Variants in BTBD7 observed in about 807,000 individuals in gnomAD.
BTBD7 encodes the protein BTB domain containing 7, also known as BTB/POZ domain-containing protein 7.
Under a neutral mutation model 99.9 loss-of-function variants are expected in BTBD7, and 38 were observed. That is an observed-to-expected ratio of 0.38 (90% CI 0.29 to 0.50). The LOEUF is 0.50. Among genes scored for constraint, BTBD7 ranks in the 20% least tolerant of loss-of-function variants. The pLI is 0.93. For missense variants in BTBD7, 1,170 were observed against 1,394.6 expected (o/e 0.84, Z 2.57); for synonymous variants, 520 against 511.4 (o/e 1.02, Z -0.23).
intron 1 of BTBD7, among the ~76,000 whole-genome samples, chr14:93,329,338 A>G (rs2053371179): frequency 6.6e-6 from 1 of 152,206 alleles, no homozygotes; most frequent in Admixed American, 6.5e-5. Context: ...CATACTCATC[A>G]GGATGAATAT....
chr14:93,242,687 A>C lies in BTBD7; in HGVS notation c.2985T>G (p.Gly995=), dbSNP rs771960789. 2.5e-6 allele frequency: 4 copies of C among 1,614,012 alleles called. No homozygotes were observed. Among genetic ancestry groups the C allele is most frequent in the Non-Finnish European group, 3.4e-6 (4 of 1,180,036 alleles). Residue 995 remains glycine (G), a synonymous_variant, in exon 11 of 11, where the codon GGT becomes GGG. Coordinates refer to ENST00000334746, the MANE Select transcript of BTBD7 (RefSeq NM_001002860.4). ...CTTCCTGTTTTTTAGGAGACGTCTGACCAGGTAGGTAGGCTGACTTTAAGC... is the reference window on the plus strand; with the variant it reads ...CTTCCTGTTTTTTAGGAGACGTCTGCCCAGGTAGGTAGGCTGACTTTAAGC... ...PSGLKSAYLP[G]QTSPKKQEEA...
intron 4 of BTBD7, among the ~76,000 whole-genome samples, chr14:93,263,480 T>G (rs2052511144): frequency 6.6e-6 from 1 of 152,194 alleles, no homozygotes; most frequent in Non-Finnish European, 1.5e-5. Flanking sequence ...GAAGCTACAT[T>G]AATAGAAGTC....
In BTBD7 at chr14:93,253,735, C is replaced by A. The variant is rs932367736; in HGVS notation, c.1664G>T (p.Gly555Val). 6.2e-7 allele frequency: 1 copy of A among 1,613,130 alleles called. No individual in the cohort carries two copies. The highest frequency in any genetic ancestry group is 2.2e-5 in the East Asian group (1 of 44,860). The change falls in exon 7 of 11, where the codon GGT (glycine) becomes GTT (valine). Residue 555 changes from glycine (G) to valine (V), a missense_variant. Physicochemically the swap from Gly to Val is moderately radical, Grantham distance 109. Coordinates refer to ENST00000334746, the MANE Select transcript of BTBD7 (RefSeq NM_001002860.4). The part of the protein sequence containing the change: ...PPSDMLPTTE[G>V]GKSNAWLRQK... ...CCGTAACCAGGCATTTGACTTCCCACCTTCTGTTGTAGGAAGCATATCTGA... is the reference window on the plus strand; with the variant it reads ...CCGTAACCAGGCATTTGACTTCCCAACTTCTGTTGTAGGAAGCATATCTGA...
intron 1 of BTBD7, among the ~76,000 whole-genome samples, chr14:93,331,066 A>G (rs568216492): frequency 8.5e-5 from 13 of 152,322 alleles, no homozygotes; most frequent in African/African-American, 3.1e-4. Context: ...GAAAACTCCA[A>G]ACGAAATATC....
chr14:93,304,493 A>G (rs1241305858), intron 1 of BTBD7, among the ~76,000 whole-genome samples: 1 of 152,154 alleles, frequency 6.6e-6, no homozygotes, highest in Non-Finnish European at 1.5e-5. Flanking sequence ...CTGGGATTAC[A>G]GGCGTGCATC....
In BTBD7 at chr14:93,294,869, C is replaced by T. The variant is rs138817243; in HGVS notation, c.151G>A (p.Glu51Lys). 360 of 1,613,736 alleles carry T rather than the reference C, an allele frequency of 2.2e-4. 3 individuals carry two copies. The highest frequency in any genetic ancestry group is 2.8e-4 in the Non-Finnish European group (328 of 1,179,958). ...CTCTTTTTTTTGTCTTGTGGTTTCT[C>T]ATGGCCATGGTCAAGGCTATACAAC... ...SKLYSLDHGH[E>K]KPQDKKKRTS... Residue 51 changes from glutamate to lysine, a missense_variant, in exon 3 of 11, where the codon GAG becomes AAG. Physicochemically the swap from Glu to Lys is moderately conservative, Grantham distance 56. Around this residue, in one of 4 missense-constraint regions of BTBD7, gnomAD observed 359 missense variants for 497.9 expected, o/e 0.72. Transcript: ENST00000334746.
At chr14:93,264,467 A>T (rs975597196) in intron 3 of BTBD7, among the ~76,000 whole-genome samples, 1 of 152,198 alleles carries the variant, frequency 6.6e-6, no homozygotes, top group Non-Finnish European at 1.5e-5. Context: ...AGCACCTTGC[A>T]TTGTTGACAG....
At chr14:93,270,039 C>T (rs1007363247) in intron 3 of BTBD7, among the ~76,000 whole-genome samples, 1 of 152,206 alleles carries the variant, frequency 6.6e-6, no homozygotes, top group African/African-American at 2.4e-5. Flanking sequence ...CAGATTGTTT[C>T]TTACACAGCA....
At chr14:93,315,835 T>C (rs537906143) in intron 1 of BTBD7, among the ~76,000 whole-genome samples, 1 of 152,182 alleles carries the variant, frequency 6.6e-6, no homozygotes, top group Non-Finnish European at 1.5e-5. Context: ...TTGATGGACA[T>C]TTGGGTTGTT....
At chr14:93,277,480 T>A (rs2052669100) in intron 3 of BTBD7, among the ~76,000 whole-genome samples, 1 of 152,204 alleles carries the variant, frequency 6.6e-6, no homozygotes, top group Non-Finnish European at 1.5e-5. Context: ...TATGCAGGCA[T>A]CTTGCTGGAA....
chr14:93,329,343 G>A (rs748273182), intron 1 of BTBD7, among the ~76,000 whole-genome samples: 1 of 151,982 alleles, frequency 6.6e-6, no homozygotes, highest in Non-Finnish European at 1.5e-5. Context: ...TCATCAGGAT[G>A]AATATTAGGA....
chr14:93,288,232 C>T, intron 3 of BTBD7: 2 of 409,206 alleles, frequency 4.9e-6, no homozygotes, highest in South Asian at 6.7e-5. Context: ...TCCTTAGATA[C>T]TGTCTTCTCT....
intron 1 of BTBD7, among the ~76,000 whole-genome samples, chr14:93,318,412 GTTTT>G (rs1156390307): frequency 1.3e-5 from 2 of 152,068 alleles, no homozygotes; most frequent in African/African-American, 2.4e-5. Context: ...TTAAAATAAT[GTTTT>G]TTTAAGTTAG....
chr14:93,279,254 A>C (rs2052690747), intron 3 of BTBD7, among the ~76,000 whole-genome samples: 1 of 152,012 alleles, frequency 6.6e-6, no homozygotes, highest in South Asian at 2.1e-4. Context: ...CTGTTGCCTC[A>C]TTTCTTGCCA....
In BTBD7 at chr14:93,242,528, A is replaced by G. The variant is rs755538611; in HGVS notation, c.3144T>C (p.Ser1048=). The G allele has an allele frequency of 3.7e-6, 6 of 1,614,104 alleles. No homozygotes were observed. The South Asian group carries it at 6.6e-5, about 18-fold the overall frequency. ...DFPLAAPENA[S]TGPAHVRGRT... is the part of the protein sequence containing the mutation. ...GTCCCCTGACATGGGCTGGACCGGTACTAGCATTTTCTGGGGCTGCCAAAG... is the reference window on the plus strand; with the variant it reads ...GTCCCCTGACATGGGCTGGACCGGTGCTAGCATTTTCTGGGGCTGCCAAAG... Residue 1048 remains serine, a synonymous_variant, in exon 11 of 11, where the codon AGT becomes AGC. Coordinates refer to ENST00000334746, the MANE Select transcript of BTBD7 (RefSeq NM_001002860.4).
intron 1 of BTBD7, among the ~76,000 whole-genome samples, chr14:93,308,373 C>G (rs959163764): frequency 6.6e-6 from 1 of 151,644 alleles, no homozygotes; most frequent in African/African-American, 2.4e-5. Flanking sequence ...TCATGGATCA[C>G]AGCGTACATA....
chr14:93,262,844 G>A lies in BTBD7; in HGVS notation c.1371+941C>T, dbSNP rs1365296555. On this transcript the variant is annotated intron_variant, in intron 4 of 10. Coordinates refer to ENST00000334746, the MANE Select transcript of BTBD7 (RefSeq NM_001002860.4). ...AAAGCTCCTAAAGACAATAATCTAA[G>A]AGAACTAACAACTTCTAACACAAAC... is the stretch of plus-strand genomic sequence containing the variant. Among the ~76,000 whole-genome samples the A allele has an allele frequency of 3.3e-5, 5 of 150,996 alleles. No individual in the cohort carries two copies. The East Asian group carries it at 7.8e-4, about 23-fold the overall frequency.
At chr14:93,270,913 T>C (rs1245544501) in intron 3 of BTBD7, among the ~76,000 whole-genome samples, 1 of 152,202 alleles carries the variant, frequency 6.6e-6, no homozygotes, top group Non-Finnish European at 1.5e-5. Flanking sequence ...CCTACTTATT[T>C]AATCCTTTCC....
intron 10 of BTBD7, among the ~76,000 whole-genome samples, chr14:93,244,993 G>A (rs2052287311): frequency 6.6e-6 from 1 of 151,420 alleles, no homozygotes; most frequent in Non-Finnish European, 1.5e-5. Context: ...ATGAGTAGCT[G>A]GGACTACAGG....
Sources: allele counts gnomAD v4.1 joint callset (sites outside exome capture counted in the v4.1 genomes callset), GRCh38; gene constraint gnomAD v4.1.1; regional missense constraint gnomAD v4.1.1; transcripts MANE v1.5; gene names NCBI Gene and HGNC (gene_info 2026-07-23, HGNC 2026-07-21).